Variants in SAMD7 observed in about 807,000 individuals in gnomAD.
The protein encoded by SAMD7 is sterile alpha motif domain containing 7.
A neutral mutation model predicts 36.7 loss-of-function variants in SAMD7; 34 were observed. The observed-to-expected ratio is 0.93, with a 90% CI of 0.71 to 1.23. The LOEUF (loss-of-function observed/expected upper bound fraction) is 1.23, where lower values mean the gene tolerates loss of function less well. SAMD7 is among the 50% of genes most tolerant of loss of function. The pLI is 0.00. For synonymous variants in SAMD7, 188 were observed against 189.7 expected (o/e 0.99, Z 0.07); for missense variants, 570 against 546.6 (o/e 1.04, Z -0.43).
At chr3:169,930,394 G>T (rs1472634945) in intron 7 of SAMD7, among the ~76,000 whole-genome samples, 2 of 152,056 alleles carry the variant, frequency 1.3e-5, no homozygotes, top group African/African-American at 4.8e-5. Flanking sequence ...ACTGAAAGAT[G>T]TCACTGCTGT....
In SAMD7 at chr3:169,936,392, G is replaced by T; in HGVS notation, c.1095G>T (p.Glu365Asp). 6.2e-7 allele frequency: 1 copy of T among 1,613,764 alleles called. No homozygotes were observed. The highest frequency in any genetic ancestry group is 2.2e-5 in the East Asian group (1 of 44,856). Residue 365 changes from glutamate to aspartate, a missense_variant, in exon 8 of 9, where the codon GAG becomes GAT. Transcript: ENST00000335556. ...AAACTTTGCCATTACTCACAGAAGA[G>T]CATCTTCGAGGCACTATGGGATTAA... ...DGETLPLLTE[E>D]HLRGTMGLKL...
chr3:169,928,224 T>C (rs1713353065), intron 6 of SAMD7, among the ~76,000 whole-genome samples: 1 of 152,216 alleles, frequency 6.6e-6, no homozygotes, highest in African/African-American at 2.4e-5. Flanking sequence ...GAGAAGCTGG[T>C]GCAAACCTGG....
At position 169,919,984 on chromosome 3, in the gene SAMD7, C is replaced by T. The variant is rs146892146; in HGVS notation, c.86+400C>T. The stretch of plus-strand genomic sequence containing the variant: ...TGTCAGGAGTTTGAGACCAGCCTGA[C>T]CAAAATGGAGAAACCCCATCTCTAC... On this transcript the variant is annotated intron_variant, in intron 3 of 8. Coordinates refer to ENST00000335556, the MANE Select transcript of SAMD7 (RefSeq NM_001304366.2). Among the ~76,000 whole-genome samples, 442 of 152,236 alleles carry T rather than the reference C, an allele frequency of 2.9e-3. 7 individuals are homozygous for T. The highest frequency in any genetic ancestry group is 0.01 in the African/African-American group (432 of 41,548).
intron 2 of SAMD7, among the ~76,000 whole-genome samples, chr3:169,917,843 A>G (rs1259858190): frequency 6.6e-6 from 1 of 152,042 alleles, no homozygotes; most frequent in Non-Finnish European, 1.5e-5. Context: ...TGGTTTCACC[A>G]TGTTAGCTAG....
chr3:169,927,627 T>C (rs956835992), intron 6 of SAMD7, among the ~76,000 whole-genome samples: 1 of 152,244 alleles, frequency 6.6e-6, no homozygotes, highest in Admixed American at 6.5e-5. Flanking sequence ...TGCTTGGAAT[T>C]ACCTTCTCTT....
At chr3:169,926,233 G>A (rs1201275298) in intron 5 of SAMD7, 1 of 1,316,674 alleles carries the variant, frequency 7.6e-7, no homozygotes, top group Non-Finnish European at 9.9e-7. Flanking sequence ...CCTCTTCCCA[G>A]TACTTTAGGT....
At chr3:169,933,204 T>C (rs1713586993) in intron 7 of SAMD7, 2 of 657,094 alleles carry the variant, frequency 3.0e-6, no homozygotes, top group Non-Finnish European at 5.7e-6. Flanking sequence ...CACTGTATGG[T>C]AGAAGACACA....
intron 2 of SAMD7, among the ~76,000 whole-genome samples, chr3:169,917,989 G>T (rs979895718): frequency 6.6e-6 from 1 of 151,324 alleles, no homozygotes; most frequent in African/African-American, 2.4e-5. Context: ...CCAGGCTGGG[G>T]TGCAGTGGCG....
At chr3:169,930,168 A>T (rs1325766897) in intron 7 of SAMD7, among the ~76,000 whole-genome samples, 1 of 152,214 alleles carries the variant, frequency 6.6e-6, no homozygotes, top group African/African-American at 2.4e-5. Flanking sequence ...AAAATCCCAA[A>T]TGTCCCCTTG....
intron 4 of SAMD7, among the ~76,000 whole-genome samples, chr3:169,924,072 T>G (rs1034041596): frequency 3.3e-5 from 5 of 152,160 alleles, no homozygotes; most frequent in African/African-American, 1.2e-4. Flanking sequence ...GGTAGCTTCA[T>G]GCATGCCAGC....
chr3:169,935,038 G>A (rs1171593268), intron 7 of SAMD7, among the ~76,000 whole-genome samples: 4 of 152,150 alleles, frequency 2.6e-5, no homozygotes, highest in South Asian at 2.1e-4. Flanking sequence ...TGGGACAGAG[G>A]CACCCGGAAG....
At chr3:169,916,611 G>T (rs1205009183) in intron 2 of SAMD7, among the ~76,000 whole-genome samples, 4 of 152,190 alleles carry the variant, frequency 2.6e-5, no homozygotes, top group African/African-American at 9.7e-5. Context: ...TCACGCCATT[G>T]CACTCCAGCC....
intron 6 of SAMD7, among the ~76,000 whole-genome samples, chr3:169,927,987 C>A (rs1713342206): frequency 6.6e-6 from 1 of 152,102 alleles, no homozygotes; most frequent in Non-Finnish European, 1.5e-5. Flanking sequence ...AGTTTTCTAG[C>A]ACTCCTTTAG....
rs774521919 is a variant in SAMD7, at chr3:169,919,503, C to A, written c.5C>A (p.Ala2Asp). Residue 2 changes from alanine (A) to aspartate (D), a missense_variant, in exon 3 of 9, where the codon GCT (alanine) becomes GAT (aspartate). Transcript: ENST00000335556. M[A>D]VNPLLTPTGQ... ...ATATTGAAGACAAACCCGGTGATGG[C>A]TGTGAACCCTTTATTGACACCAACA... The A allele has an allele frequency of 6.2e-7, 1 of 1,613,766 alleles. No homozygotes were observed. The highest frequency in any genetic ancestry group is 1.3e-5 in the African/African-American group (1 of 74,930).
rs142188796 is a variant in SAMD7 at position 169,912,415 on chromosome 3, T to A, written c.-117+594T>A. The stretch of plus-strand genomic sequence containing the variant: ...ACACCTACTATTCAGTTCCATTATA[T>A]GAGTACTGCTAGAATTTCACTTTAG... On this transcript the variant is annotated intron_variant, in intron 1 of 8. Coordinates refer to ENST00000335556, the MANE Select transcript of SAMD7 (RefSeq NM_001304366.2). Among the ~76,000 whole-genome samples, 720 of 152,346 alleles carry A rather than the reference T, an allele frequency of 4.7e-3. 3 individuals are homozygous for A. Among genetic ancestry groups the A allele is most frequent in the African/African-American group, 0.016 (681 of 41,574 alleles).
In SAMD7 at chr3:169,913,863, G is replaced by A. The variant is rs189588987; in HGVS notation, c.-116-1504G>A. Among the ~76,000 whole-genome samples, 324 of 152,246 alleles carry A rather than the reference G, an allele frequency of 2.1e-3. 1 individual carries two copies. The highest frequency in any genetic ancestry group is 7.4e-3 in the African/African-American group (306 of 41,536). ...AGTACCCTCAAAACAATGATTTTAA[G>A]GCAACACAAATTTGGAGTTTCAAGT... is the stretch of plus-strand genomic sequence containing the variant. On this transcript the variant is annotated intron_variant, in intron 1 of 8. Transcript: ENST00000335556.
At chr3:169,922,584 T>C (rs1454326174) in intron 4 of SAMD7, among the ~76,000 whole-genome samples, 1 of 152,162 alleles carries the variant, frequency 6.6e-6, no homozygotes. Context: ...ACTGCAACCT[T>C]TGCCTCCCTG....
At chr3:169,938,220 G>C in intron 8 of SAMD7, 98 bp from the exon 9 acceptor site, 1 of 748,258 alleles carries the variant, frequency 1.3e-6, no homozygotes, top group Non-Finnish European at 2.3e-6. Flanking sequence ...GATGCTCCAT[G>C]CCTGAAATTA....
Position 169,926,627 on chromosome 3 carries a change from T to A in SAMD7, c.365T>A (p.Leu122Gln). The A allele has an allele frequency of 1.9e-6, 3 of 1,613,876 alleles. No individual in the cohort carries two copies. Among genetic ancestry groups the A allele is most frequent in the Middle Eastern group, 3.3e-4 (2 of 6,062 alleles). The change falls in exon 6 of 9, where the codon CTA becomes CAA. Residue 122 changes from leucine to glutamine, a missense_variant. Coordinates refer to ENST00000335556, the MANE Select transcript of SAMD7 (RefSeq NM_001304366.2). ...EKINPKGLAG[L>Q]GIPFLYGSSV... ...ATTAATCCCAAGGGACTAGCAGGCCTAGGGATACCCTTCCTCTATGGCTCC... is the reference window on the plus strand; with the variant it reads ...ATTAATCCCAAGGGACTAGCAGGCCAAGGGATACCCTTCCTCTATGGCTCC...
Sources: gnomAD v4.1 joint callset for allele counts (sites outside exome capture counted in the v4.1 genomes callset) on GRCh38, gnomAD v4.1.1 for gene constraint, MANE v1.5 for transcripts, NCBI Gene and HGNC (gene_info 2026-07-23, HGNC 2026-07-21) for gene names.